The following THSD7B variants were observed in gnomAD, a reference collection of about 807,000 sequenced individuals.
The protein encoded by THSD7B is thrombospondin type-1 domain-containing protein 7B.
In THSD7B, 138 loss-of-function variants were observed where a neutral mutation model predicts 213.6. The ratio of observed to expected loss-of-function variants is 0.65; its 90% confidence interval spans 0.56 to 0.74. THSD7B has a LOEUF of 0.74. Ranked by LOEUF, THSD7B falls within the 30% of genes least tolerant of loss-of-function variation. THSD7B has a pLI of 0.00. For synonymous variants in THSD7B, 742 were observed against 687.0 expected, an observed-to-expected ratio of 1.08 and a Z score of -1.25; for missense variants, 1,931 against 1,991.5, an observed-to-expected ratio of 0.97 and a Z score of 0.58.
At chr2:136,972,238 C>T (rs1221569974) in intron 2 of THSD7B, among the ~76,000 whole-genome samples, 1 of 152,146 alleles carries the variant, frequency 6.6e-6, no homozygotes, top group Non-Finnish European at 1.5e-5. Context: ...GTAGTGAGAG[C>T]TATGTTCTCA....
chr2:137,293,596 C>A (rs1210312621), intron 12 of THSD7B, among the ~76,000 whole-genome samples: 1 of 151,922 alleles, frequency 6.6e-6, no homozygotes, highest in Admixed American at 6.6e-5. Context: ...AAAACTTTAA[C>A]TGATGTACCT....
At chr2:137,076,573 G>A (rs148922599) in intron 3 of THSD7B, among the ~76,000 whole-genome samples, 40 of 152,280 alleles carry the variant, frequency 2.6e-4, no homozygotes, top group South Asian at 8.3e-4. Flanking sequence ...TTCGGCTGGC[G>A]CACAGTGCGC....
At position 136,942,535 on chromosome 2, in the gene THSD7B, G is replaced by A. The variant is rs1369050371; in HGVS notation, c.139+60218G>A. On this transcript the variant is annotated intron_variant, in intron 2 of 27. Transcript: ENST00000409968. ...TCCTCTTCTATTTCACTGAGCAGTG[G>A]TTTGTAGTTCTCCTTGAAGAGGTCC... 2.0e-5 allele frequency among the ~76,000 whole-genome samples: 3 copies of A among 152,132 alleles called. No homozygotes were observed. In the East Asian group the frequency reaches 5.8e-4, roughly 29 times the overall value.
At chr2:137,359,578 G>A (rs1221441588) in intron 12 of THSD7B, among the ~76,000 whole-genome samples, 1 of 152,128 alleles carries the variant, frequency 6.6e-6, no homozygotes, top group African/African-American at 2.4e-5. Flanking sequence ...ATGACGGGAT[G>A]CTACAGACAG....
intron 20 of THSD7B, among the ~76,000 whole-genome samples, chr2:137,628,273 A>G (rs1449319484): frequency 6.6e-6 from 1 of 152,168 alleles, no homozygotes; most frequent in African/African-American, 2.4e-5. Flanking sequence ...ACTCCTCTCC[A>G]AATTCTACAC....
chr2:136,822,178 T>A (rs1682574437), intron 1 of THSD7B, among the ~76,000 whole-genome samples: 1 of 152,204 alleles, frequency 6.6e-6, no homozygotes. Flanking sequence ...AAGTAGAGAC[T>A]AATGCTTTTG....
rs562889170 is a variant in THSD7B, at chr2:137,045,395, A to G, written c.140-11025A>G. 7.2e-5 allele frequency among the ~76,000 whole-genome samples: 11 copies of G among 152,284 alleles called. 1 individual carries two copies. The South Asian group carries it at 2.3e-3, about 32-fold the overall frequency. On this transcript the variant is annotated intron_variant, in intron 2 of 27. Coordinates refer to ENST00000409968, the MANE Select transcript of THSD7B (RefSeq NM_001316349.2). ...GAGGGCTGCTAAGTGACTAGTGGAG[A>G]GGCAGCATCTGCAGTGTGGATACAC... is the stretch of plus-strand genomic sequence containing the variant.
intron 14 of THSD7B, among the ~76,000 whole-genome samples, chr2:137,416,291 A>G (rs1686796990): frequency 6.6e-6 from 1 of 152,080 alleles, no homozygotes; most frequent in Non-Finnish European, 1.5e-5. Flanking sequence ...TGGTCTCTTT[A>G]TGTAGCAGCT....
chr2:137,636,539 T>C (rs1682835707), intron 20 of THSD7B, among the ~76,000 whole-genome samples: 1 of 152,230 alleles, frequency 6.6e-6, no homozygotes, highest in African/African-American at 2.4e-5. Flanking sequence ...ATAAACCCAC[T>C]TTCATTCTTT....
At position 137,325,194 on chromosome 2, in the gene THSD7B, A is replaced by T. The variant is rs555083915; in HGVS notation, c.2500+49168A>T. Among the ~76,000 whole-genome samples the T allele has an allele frequency of 1.8e-3, 49 of 27,420 alleles. 1 individual carries two copies. Among genetic ancestry groups the T allele is most frequent in the Admixed American group, 3.2e-3 (9 of 2,794 alleles). The allele number at this position is 27,420 out of a possible 152,430, so 18.0% of individuals were successfully genotyped here. A position where few individuals can be genotyped will look rare whatever the true frequency, so the allele number is the denominator to read the frequency against. ...TTTTGTTTTTGTTTTTAATTTTTTA[A>T]GCTTCTGGTCACAGACAGAAACTCC... On this transcript the variant is annotated intron_variant, in intron 12 of 27. Coordinates refer to ENST00000409968, the MANE Select transcript of THSD7B (RefSeq NM_001316349.2).
intron 10 of THSD7B, among the ~76,000 whole-genome samples, chr2:137,264,868 G>A (rs1006219556): frequency 6.7e-6 from 1 of 150,170 alleles, no homozygotes; most frequent in African/African-American, 2.5e-5. Flanking sequence ...GGGTACATGT[G>A]CACAATGTGC....
intron 2 of THSD7B, among the ~76,000 whole-genome samples, chr2:136,921,944 A>T (rs1684445070): frequency 6.6e-6 from 1 of 152,108 alleles, no homozygotes; most frequent in African/African-American, 2.4e-5. Flanking sequence ...AGAGCCTGGG[A>T]TTCCTTCAGT....
intron 2 of THSD7B, among the ~76,000 whole-genome samples, chr2:136,967,841 A>G (rs1394887833): frequency 2.0e-5 from 3 of 152,138 alleles, no homozygotes; most frequent in African/African-American, 7.2e-5. Flanking sequence ...AAAATAGCTC[A>G]GTTTTGAACT....
At chr2:137,500,346 C>T (rs973282114) in intron 15 of THSD7B, among the ~76,000 whole-genome samples, 3 of 152,146 alleles carry the variant, frequency 2.0e-5, no homozygotes, top group African/African-American at 7.2e-5. Flanking sequence ...AATTCAGAAA[C>T]ATGTTTTTTT....
chr2:136,812,473 T>A (rs1682391822), intron 1 of THSD7B, among the ~76,000 whole-genome samples: 1 of 152,208 alleles, frequency 6.6e-6, no homozygotes, highest in African/African-American at 2.4e-5. Flanking sequence ...AAGACTGTAG[T>A]GAGGTAGTTG....
intron 2 of THSD7B, among the ~76,000 whole-genome samples, chr2:137,016,899 C>T (rs914652500): frequency 6.6e-6 from 1 of 152,066 alleles, no homozygotes; most frequent in African/African-American, 2.4e-5. Context: ...AATTCTTTAC[C>T]CCAAATCCTT....
intron 17 of THSD7B, among the ~76,000 whole-genome samples, chr2:137,583,372 G>C (rs1681630481): frequency 6.6e-6 from 1 of 152,152 alleles, no homozygotes; most frequent in African/African-American, 2.4e-5. Flanking sequence ...TTTGGCTTTT[G>C]TTGCCGTTGT....
At chr2:137,115,347 C>G in intron 5 of THSD7B, 54 bp downstream of exon 5, 3 of 1,414,144 alleles carry the variant, frequency 2.1e-6, no homozygotes, top group Non-Finnish European at 2.8e-6. Context: ...AGGAAAATCT[C>G]TCCAACTCTC....
intron 5 of THSD7B, among the ~76,000 whole-genome samples, chr2:137,155,261 C>A (rs890058990): frequency 1.3e-5 from 2 of 152,072 alleles, no homozygotes; most frequent in African/African-American, 4.8e-5. Context: ...CCTATAAGAC[C>A]TTGGATAATT....
Sources: allele counts gnomAD v4.1 joint callset (sites outside exome capture counted in the v4.1 genomes callset), GRCh38; gene constraint gnomAD v4.1.1; transcripts MANE v1.5; gene names NCBI Gene and HGNC (gene_info 2026-07-23, HGNC 2026-07-21).